The following MMP24 variants were observed in gnomAD, a reference collection of about 807,000 sequenced individuals.
MMP24 encodes the protein matrix metalloproteinase-24.
A neutral mutation model predicts 62.8 loss-of-function variants in MMP24; 25 were observed. The ratio of observed to expected loss-of-function variants is 0.40; its 90% CI spans 0.29 to 0.56. The LOEUF (loss-of-function observed/expected upper bound fraction) is 0.56, where lower values mean the gene tolerates loss of function less well. Ranked by LOEUF, MMP24 falls within the 20% of genes least tolerant of loss-of-function variation. MMP24 has a pLI of 0.50. For missense variants in MMP24, 634 were observed against 853.6 expected (o/e 0.74, Z 3.21); for synonymous variants, 319 against 350.5 (o/e 0.91, Z 1.00).
intron 1 of MMP24, among the ~76,000 whole-genome samples, chr20:35,238,242 T>C (rs191404187): frequency 1.0e-3 from 158 of 152,348 alleles, no homozygotes; most frequent in African/African-American, 3.6e-3. Context: ...CTGAACAACA[T>C]GTCCATTTCG....
chr20:35,261,540 C>T (rs542189770), intron 4 of MMP24, among the ~76,000 whole-genome samples: 6 of 152,272 alleles, frequency 3.9e-5, no homozygotes, highest in East Asian at 1.9e-4. Flanking sequence ...TCGTAACCAC[C>T]GTGCCATGGA....
chr20:35,256,071 G>A (rs1444592504), intron 4 of MMP24: 1 of 152,224 alleles, frequency 6.6e-6, no homozygotes, highest in African/African-American at 2.4e-5. Context: ...ATGATAATTA[G>A]TGGGTATGCT....
chr20:35,244,927 C>T (rs2060507023), intron 1 of MMP24, among the ~76,000 whole-genome samples: 1 of 152,060 alleles, frequency 6.6e-6, no homozygotes, highest in Non-Finnish European at 1.5e-5. Flanking sequence ...CCAAAGGATA[C>T]TCAGTCAATT....
chr20:35,270,048 T>C, intron 7 of MMP24, 150 bp downstream of exon 7: 2 of 1,058,338 alleles, frequency 1.9e-6, no homozygotes, highest in Non-Finnish European at 2.7e-6. Context: ...ACAAATCAAG[T>C]CAGAAAGTGA....
intron 4 of MMP24, among the ~76,000 whole-genome samples, chr20:35,258,105 C>A (rs1445475349): frequency 1.3e-5 from 2 of 152,142 alleles, no homozygotes; most frequent in Non-Finnish European, 2.9e-5. Flanking sequence ...TATGATCTCC[C>A]AGATACCCAC....
Position 35,263,798 on chromosome 20 carries a change from C to A in MMP24, c.825C>A (p.Asp275Glu). Residue 275 changes from aspartate (D) to glutamate (E), a missense_variant, in exon 5 of 9, where the codon GAC becomes GAA. By Grantham distance (45) the Asp-to-Glu change is conservative. Coordinates refer to ENST00000246186, the MANE Select transcript of MMP24 (RefSeq NM_006690.4). ...CCACACTCCTCTCCACAGGGAACGA[C>A]CTCTTCCTGGTGGCTGTGCATGAGC... ...TLGNANHDGN[D>E]LFLVAVHELG... The A allele has an allele frequency of 6.4e-7, 1 of 1,572,104 alleles. No individual in the cohort carries two copies. Among genetic ancestry groups the A allele is most frequent in the South Asian group, 1.2e-5 (1 of 85,570 alleles).
Position 35,267,397 on chromosome 20 carries a change from G to A in MMP24, c.1172G>A (p.Arg391Gln), listed in dbSNP as rs756928346. 33 of 1,560,194 alleles carry A rather than the reference G, an allele frequency of 2.1e-5. No homozygotes were observed. The highest frequency in any genetic ancestry group is 2.6e-5 in the Non-Finnish European group (30 of 1,152,354). Reference sequence around the variant, plus strand: ...AACTTCAACACAGTGGCCCTCTTCCGGGGCGAGATGTTTGTCTTTAAGGTA... The same window carrying A: ...AACTTCAACACAGTGGCCCTCTTCCAGGGCGAGATGTTTGTCTTTAAGGTA... ...DGNFNTVALF[R>Q]GEMFVFKDRW... The change falls in exon 6 of 9, where the codon CGG (arginine) becomes CAG (glutamine). Residue 391 changes from arginine to glutamine, a missense_variant. Coordinates refer to ENST00000246186, the MANE Select transcript of MMP24 (RefSeq NM_006690.4).
intron 1 of MMP24, among the ~76,000 whole-genome samples, chr20:35,239,087 G>T (rs1036686211): frequency 6.8e-6 from 1 of 146,416 alleles, no homozygotes. Context: ...TTGCTCTGTC[G>T]CCAGGCTGGG....
Position 35,271,745 on chromosome 20 carries a change from C to T in MMP24, c.1510C>T (p.Arg504Trp), listed in dbSNP as rs2146243724. Residue 504 changes from arginine (R) to tryptophan (W), a missense_variant, in exon 8 of 9, where the codon CGG becomes TGG. Arg to Trp is a moderately radical substitution (Grantham distance 101, BLOSUM62 -3). Coordinates refer to ENST00000246186, the MANE Select transcript of MMP24 (RefSeq NM_006690.4). The surrounding 1 kb of genome is among the most constrained non-coding windows in gnomAD (Gnocchi z 4.0). Reference sequence around the variant, plus strand: ...GTACTGGCGCTACAGCGAGGAGCGGCGGGCCACGGACCCTGGCTACCCTAA... The same window carrying T: ...GTACTGGCGCTACAGCGAGGAGCGGTGGGCCACGGACCCTGGCTACCCTAA... Reference protein sequence around the residue: ...ERYWRYSEERRATDPGYPKPI... With the variant: ...ERYWRYSEERWATDPGYPKPI... The T allele has an allele frequency of 1.3e-6, 2 of 1,598,434 alleles. No individual in the cohort carries two copies. The highest frequency in any genetic ancestry group is 2.3e-5 in the East Asian group (1 of 44,198).
chr20:35,230,575 T>C (rs1175385568), intron 1 of MMP24, among the ~76,000 whole-genome samples: 1 of 152,214 alleles, frequency 6.6e-6, no homozygotes, highest in Non-Finnish European at 1.5e-5. Context: ...CTTTCTTCGG[T>C]AGAAATCAAG....
rs1384595404 is a variant in MMP24, at chr20:35,276,877, CAG to C, written c.*2271_*2272del. 1 of 152,828 alleles carries C rather than the reference CAG, an allele frequency of 6.5e-6. No individual in the cohort carries two copies. The highest frequency in any genetic ancestry group is 1.5e-5 in the Non-Finnish European group (1 of 68,184). The allele number at this position is 152,828 out of a possible 1,614,324, so 9.5% of individuals were successfully genotyped here. A position where few individuals can be genotyped will look rare whatever the true frequency, so the allele number is the denominator to read the frequency against. ...CAGAGGGGCAAAGCACTGGGGGCCC[CAG>C]AGCCTAGCTTCCCCTCAGCCTGGGG... On this transcript the variant is annotated 3_prime_UTR_variant, in exon 9 of 9. Coordinates refer to ENST00000246186, the MANE Select transcript of MMP24 (RefSeq NM_006690.4).
chr20:35,249,378 A>C (rs2060532885), intron 2 of MMP24, among the ~76,000 whole-genome samples: 2 of 152,230 alleles, frequency 1.3e-5, no homozygotes, highest in Non-Finnish European at 2.9e-5. Flanking sequence ...TCACTCATTC[A>C]TTTGGTCAAC....
At chr20:35,254,981 G>C (rs1406951777) in intron 4 of MMP24, among the ~76,000 whole-genome samples, 2 of 152,088 alleles carry the variant, frequency 1.3e-5, no homozygotes, top group Non-Finnish European at 2.9e-5. Context: ...GTTGGCAGGA[G>C]AAAAGTAAGG....
At position 35,274,078 on chromosome 20, in the gene MMP24, C is replaced by T. The variant is rs1007504074; in HGVS notation, c.1601-194C>T. Among the ~76,000 whole-genome samples, 4 of 152,176 alleles carry T rather than the reference C, an allele frequency of 2.6e-5. No homozygotes were observed. Among genetic ancestry groups the T allele is most frequent in the East Asian group, 1.9e-4 (1 of 5,184 alleles). On this transcript the variant is annotated intron_variant, in intron 8 of 8. Coordinates refer to ENST00000246186, the MANE Select transcript of MMP24 (RefSeq NM_006690.4). This position sits in a 1 kb window ranked among gnomAD's most constrained non-coding sequence, Gnocchi z 5.1. ...TTCCTAGCACCCGTAGGATGACAGG[C>T]GGACCACTCCAGGTCCCGGGTGCCC...
At chr20:35,250,282 GGGCGCAGT>G (rs1291584483) in intron 2 of MMP24, among the ~76,000 whole-genome samples, 5 of 152,148 alleles carry the variant, frequency 3.3e-5, no homozygotes, top group Non-Finnish European at 5.9e-5. Flanking sequence ...AGAATGTGCT[GGGCGCAGT>G]GGCTCATGTC....
intron 4 of MMP24, among the ~76,000 whole-genome samples, chr20:35,259,984 G>A (rs2060594136): frequency 6.6e-6 from 1 of 152,190 alleles, no homozygotes; most frequent in South Asian, 2.1e-4. Context: ...AATTTAAAAT[G>A]TCACACTGCT....
intron 4 of MMP24, among the ~76,000 whole-genome samples, chr20:35,261,627 C>T (rs2060603217): frequency 6.6e-6 from 1 of 152,030 alleles, no homozygotes; most frequent in South Asian, 2.1e-4. Context: ...CACTTGAATC[C>T]CTGCCTCAAT....
At chr20:35,240,669 T>C (rs1347403974) in intron 1 of MMP24, among the ~76,000 whole-genome samples, 1 of 152,212 alleles carries the variant, frequency 6.6e-6, no homozygotes, top group Non-Finnish European at 1.5e-5. Flanking sequence ...GCAAGTGTTT[T>C]TTGAAACCTC....
At chr20:35,253,867 G>GTTT (rs1490544059) in intron 3 of MMP24, among the ~76,000 whole-genome samples, 1 of 140,220 alleles carries the variant, frequency 7.1e-6, no homozygotes, top group African/African-American at 3.0e-5. Context: ...ATTTCCTTTG[G>GTTT]GTTTTTTTTT....
Sources: allele counts gnomAD v4.1 joint callset (sites outside exome capture counted in the v4.1 genomes callset), GRCh38; gene constraint gnomAD v4.1.1; non-coding constraint Gnocchi (gnomAD v3.1); transcripts MANE v1.5; gene names NCBI Gene and HGNC (gene_info 2026-07-23, HGNC 2026-07-21).